Variants in INO80 observed in about 807,000 individuals in gnomAD.
INO80 encodes the protein INO80 complex ATPase subunit.
INO80 carries 20 observed loss-of-function variants against 203.4 expected under a neutral mutation model. The ratio of observed to expected loss-of-function variants is 0.10; its 90% CI spans 0.07 to 0.14. The LOEUF is 0.14. INO80 is among the 10% of genes least tolerant of loss of function. INO80 has a pLI of 1.00. For missense variants in INO80, 1,419 were observed against 1,914.4 expected, an observed-to-expected ratio of 0.74 and a Z score of 4.83; for synonymous variants, 726 against 685.2, an observed-to-expected ratio of 1.06 and a Z score of -0.93.
intron 28 of INO80, among the ~76,000 whole-genome samples, chr15:41,000,706 C>CAAAAAAAAAAAAAAAAAAAAAAA (rs58232890): frequency 1.8e-5 from 1 of 56,828 alleles, no homozygotes; most frequent in Non-Finnish European, 3.5e-5. Flanking sequence ...CACCCTGTCT[C>CAAAAAAAAAAAAAAAAAAAAAAA]AAAAAAAAAA....
intron 4 of INO80, among the ~76,000 whole-genome samples, chr15:41,093,574 G>T (rs1428403490): frequency 6.6e-6 from 1 of 151,900 alleles, no homozygotes; most frequent in African/African-American, 2.4e-5. Context: ...CTGTAAAAGG[G>T]TGAATTTGGC....
chr15:41,056,197 C>G (rs991933695), intron 17 of INO80, among the ~76,000 whole-genome samples: 3 of 152,014 alleles, frequency 2.0e-5, no homozygotes, highest in Admixed American at 2.0e-4. Flanking sequence ...CCTCCCACTT[C>G]GACCTCCCAA....
intron 9 of INO80, 116 bp downstream of exon 9, chr15:41,079,585 A>C (rs1032184497): frequency 1.3e-4 from 133 of 1,025,162 alleles, no homozygotes; most frequent in Admixed American, 9.6e-4. Context: ...AAAAAAAAAA[A>C]AAAAACAAAA....
In INO80 at chr15:41,061,928, T is replaced by C. The variant is rs993766192; in HGVS notation, c.1783-2002A>G. ...GCAAGATTCAGCACTTTTTCTGTGA[T>C]GTTTTCTAGATGTGGTTTTCTTTCT... is the stretch of plus-strand genomic sequence containing the variant. On this transcript the variant is annotated intron_variant, in intron 14 of 35. Coordinates refer to ENST00000648947, the MANE Select transcript of INO80 (RefSeq NM_017553.3). 8.5e-5 allele frequency among the ~76,000 whole-genome samples: 13 copies of C among 152,318 alleles called. No homozygotes were observed. The South Asian group carries it at 2.7e-3, about 32-fold the overall frequency.
intron 25 of INO80, among the ~76,000 whole-genome samples, chr15:41,026,029 G>A (rs577945067): frequency 6.6e-6 from 1 of 152,308 alleles, no homozygotes; most frequent in East Asian, 1.9e-4. Context: ...TGGATAGCCA[G>A]TATAAACCAA....
At chr15:41,002,965 A>C (rs948354608) in intron 28 of INO80, among the ~76,000 whole-genome samples, 1 of 151,896 alleles carries the variant, frequency 6.6e-6, no homozygotes, top group African/African-American at 2.4e-5. Context: ...ACAAAAATAC[A>C]AAAAATTAGC....
chr15:41,002,316 C>T (rs923139164), intron 28 of INO80, among the ~76,000 whole-genome samples: 1 of 152,214 alleles, frequency 6.6e-6, no homozygotes, highest in African/African-American at 2.4e-5. Flanking sequence ...GAAAATGCCA[C>T]TCTTTTAGAG....
intron 16 of INO80, among the ~76,000 whole-genome samples, chr15:41,056,948 G>C (rs796293726): frequency 6.6e-6 from 1 of 152,106 alleles, no homozygotes; most frequent in African/African-American, 2.4e-5. Context: ...GCCTCAAATA[G>C]GCAGAGTTGT....
chr15:41,039,792 T>C (rs780968760), intron 24 of INO80, among the ~76,000 whole-genome samples: 22 of 152,234 alleles, frequency 1.4e-4, no homozygotes, highest in Non-Finnish European at 2.8e-4. Flanking sequence ...GAATATCTTC[T>C]GTAGTAAACA....
At position 41,055,367 on chromosome 15, in the gene INO80, G is replaced by A. The variant is rs2044963608; in HGVS notation, c.2071-3C>T. 3 of 1,588,434 alleles carry A rather than the reference G, an allele frequency of 1.9e-6. No homozygotes were observed. Among genetic ancestry groups the A allele is most frequent in the Non-Finnish European group, 2.6e-6 (3 of 1,160,524 alleles). On this transcript the variant is annotated splice_polypyrimidine_tract_variant and splice_region_variant and intron_variant, in intron 17 of 35. Transcript: ENST00000648947. Reference sequence around the variant, plus strand: ...ATGAAATGCAGCAGAGCCCAAAGCTGTAAACAAAGACAAAAATGAAATAGC... The same window carrying A: ...ATGAAATGCAGCAGAGCCCAAAGCTATAAACAAAGACAAAAATGAAATAGC...
At chr15:41,110,716 C>A (rs1017825911) in intron 1 of INO80, among the ~76,000 whole-genome samples, 2 of 152,196 alleles carry the variant, frequency 1.3e-5, no homozygotes, top group Admixed American at 6.6e-5. Context: ...CAGGTGTGAG[C>A]TACCATGAAG....
At chr15:40,996,216 T>A (rs143751893) in intron 29 of INO80, among the ~76,000 whole-genome samples, 300 of 152,278 alleles carry the variant, frequency 2.0e-3, no homozygotes, top group African/African-American at 6.6e-3. Context: ...ATTTTTAGAG[T>A]CATGCCTTTT....
intron 29 of INO80, among the ~76,000 whole-genome samples, chr15:40,988,927 A>G (rs1184568653): frequency 2.6e-5 from 4 of 151,926 alleles, no homozygotes; most frequent in Non-Finnish European, 5.9e-5. Context: ...AGGCAGGGGA[A>G]TTGTTTGAAC....
intron 19 of INO80, 61 bp from the exon 20 acceptor site, chr15:41,050,163 G>T: frequency 8.3e-7 from 1 of 1,210,886 alleles, no homozygotes; most frequent in Non-Finnish European, 1.2e-6. Flanking sequence ...TTCAGCATCA[G>T]CTTAAAGTTG....
At chr15:41,052,001 T>C (rs1409516499) in intron 19 of INO80, among the ~76,000 whole-genome samples, 1 of 151,984 alleles carries the variant, frequency 6.6e-6, no homozygotes, top group Non-Finnish European at 1.5e-5. Flanking sequence ...TAGCCAGGCA[T>C]GGTGGTGTGC....
intron 21 of INO80, 86 bp downstream of exon 21, chr15:41,049,201 T>C (rs1186636393): frequency 6.2e-6 from 7 of 1,134,262 alleles, no homozygotes; most frequent in Non-Finnish European, 7.5e-6. Flanking sequence ...TGGGAACTCA[T>C]ATTCTCTCCA....
chr15:41,010,108 T>A (rs1357976780), intron 27 of INO80, among the ~76,000 whole-genome samples: 1 of 152,224 alleles, frequency 6.6e-6, no homozygotes, highest in East Asian at 1.9e-4. Context: ...ATGCTCTGCT[T>A]GCATGCCACT....
chr15:40,987,563 T>C (rs2043755722), intron 30 of INO80, among the ~76,000 whole-genome samples: 1 of 152,158 alleles, frequency 6.6e-6, no homozygotes, highest in Admixed American at 6.5e-5. Flanking sequence ...CCATTACCGG[T>C]GTCAGTCTCC....
chr15:41,079,367 A>G (rs2045449901), intron 9 of INO80, among the ~76,000 whole-genome samples: 1 of 152,090 alleles, frequency 6.6e-6, no homozygotes, highest in African/African-American at 2.4e-5. Flanking sequence ...AGAATAGAGG[A>G]AGACAGCTTA....
Sources: gnomAD v4.1 joint callset for allele counts (sites outside exome capture counted in the v4.1 genomes callset) on GRCh38, gnomAD v4.1.1 for gene constraint, MANE v1.5 for transcripts, NCBI Gene and HGNC (gene_info 2026-07-23, HGNC 2026-07-21) for gene names.